Variants in USH2A observed in about 807,000 individuals in gnomAD.
The protein encoded by USH2A is usherin.
In USH2A, 443 loss-of-function variants were observed where a neutral mutation model predicts 538.9. The observed-to-expected ratio is 0.82, with a 90% CI of 0.76 to 0.89. The LOEUF is 0.89. Ranked by LOEUF, USH2A falls within the 40% of genes least tolerant of loss-of-function variation. The probability of loss-of-function intolerance (pLI) is 0.00; values close to 1 mark genes in which losing one functional copy is unlikely to be tolerated. For synonymous variants in USH2A, 2,413 were observed against 2,273.5 expected (o/e 1.06, Z -1.75); for missense variants, 6,633 against 6,324.8 (o/e 1.05, Z -1.65).
chr1:216,160,729 C>A (rs2034041392), intron 21 of USH2A, among the ~76,000 whole-genome samples: 1 of 152,102 alleles, frequency 6.6e-6, no homozygotes, highest in Non-Finnish European at 1.5e-5. Flanking sequence ...TATGACAACA[C>A]TTATAAAATG....
chr1:216,394,930 G>T (rs2039182580), intron 3 of USH2A, among the ~76,000 whole-genome samples: 1 of 151,920 alleles, frequency 6.6e-6, no homozygotes. Flanking sequence ...GTGTTAGCCA[G>T]GATGGTCTCG....
Position 216,324,157 on chromosome 1 carries a change from A to C in USH2A, c.1328+11T>G. 1 of 1,611,566 alleles carries C rather than the reference A, an allele frequency of 6.2e-7. No individual in the cohort carries two copies. Among genetic ancestry groups the C allele is most frequent in the Non-Finnish European group, 8.5e-7 (1 of 1,178,628 alleles). ...CAGTCTATTAAATTAATTGTTTAAA[A>C]ATATTCATACTTGGAAAGCTGAAGA... is the stretch of plus-strand genomic sequence containing the variant. On this transcript the variant is annotated intron_variant, in intron 7 of 71. Coordinates refer to ENST00000307340, the MANE Select transcript of USH2A (RefSeq NM_206933.4).
chr1:216,168,589 G>A (rs1023510206), intron 21 of USH2A, among the ~76,000 whole-genome samples: 14 of 152,012 alleles, frequency 9.2e-5, no homozygotes, highest in African/African-American at 3.4e-4. Flanking sequence ...CCCCCTTCTT[G>A]CCTGGGGACC....
chr1:216,244,951 T>G (rs2036007970), intron 13 of USH2A, among the ~76,000 whole-genome samples: 3 of 152,190 alleles, frequency 2.0e-5, no homozygotes, highest in Non-Finnish European at 4.4e-5. Flanking sequence ...TATTAGCTTG[T>G]TTTGGTTTAC....
At chr1:216,057,812 G>A (rs2031031386) in intron 30 of USH2A, among the ~76,000 whole-genome samples, 3 of 152,070 alleles carry the variant, frequency 2.0e-5, no homozygotes, top group South Asian at 2.1e-4. Context: ...TACTTCTGAC[G>A]ATTTCCTATT....
intron 37 of USH2A, among the ~76,000 whole-genome samples, chr1:215,950,414 A>G (rs545130318): frequency 6.6e-6 from 1 of 152,246 alleles, no homozygotes; most frequent in East Asian, 1.9e-4. Context: ...TAAGATCTCA[A>G]TACATTATAT....
intron 32 of USH2A, among the ~76,000 whole-genome samples, chr1:216,016,989 A>G (rs1049908714): frequency 6.6e-6 from 1 of 152,114 alleles, no homozygotes; most frequent in Non-Finnish European, 1.5e-5. Context: ...CGTCCATGAA[A>G]AACTCCTTAG....
chr1:216,422,232 A>G lies in USH2A; in HGVS notation c.105T>C (p.Gly35=). 1 of 1,612,848 alleles carries G rather than the reference A, an allele frequency of 6.2e-7. No individual in the cohort carries two copies. The highest frequency in any genetic ancestry group is 8.5e-7 in the Non-Finnish European group (1 of 1,179,270). The change falls in exon 2 of 72, where the codon GGT becomes GGC. Residue 35 remains glycine (G), a synonymous_variant. Coordinates refer to ENST00000307340, the MANE Select transcript of USH2A (RefSeq NM_206933.4). The part of the protein sequence containing the change: ...FASISLTESR[G]LFPRLENVGA... ...CCACGTTCTCCAGCCTTGGGAAAAG[A>G]CCTCGTGACTCAGTCAAGGATATTG...
At position 216,273,700 on chromosome 1, in the gene USH2A, G is replaced by T. The variant is rs373604682; in HGVS notation, c.1971+15580C>A. On this transcript the variant is annotated intron_variant, in intron 11 of 71. Transcript: ENST00000307340. ...CTATATCACTGAAATATTTTTAGGA[G>T]ATATTATCAAATATAGGAGTTATAG... 7.9e-5 allele frequency among the ~76,000 whole-genome samples: 12 copies of T among 151,032 alleles called. 1 individual carries two copies. Among genetic ancestry groups the T allele is most frequent in the Admixed American group, 3.3e-4 (5 of 15,080 alleles).
At chr1:216,169,326 C>T (rs1303275503) in intron 21 of USH2A, among the ~76,000 whole-genome samples, 1 of 151,954 alleles carries the variant, frequency 6.6e-6, no homozygotes, top group Non-Finnish European at 1.5e-5. Context: ...AGTTACCTAA[C>T]ATTAATATTT....
At position 216,013,700 on chromosome 1, in the gene USH2A, C is replaced by A. The variant is rs1414046182; in HGVS notation, c.6326-13138G>T. Among the ~76,000 whole-genome samples the A allele has an allele frequency of 1.2e-3, 185 of 150,130 alleles. 3 individuals are homozygous for A. The highest frequency in any genetic ancestry group is 0.012 in the Admixed American group (182 of 15,040). On this transcript the variant is annotated intron_variant, in intron 32 of 71. Coordinates refer to ENST00000307340, the MANE Select transcript of USH2A (RefSeq NM_206933.4). Reference sequence around the variant, plus strand: ...CTCTGGCCTCCAGAGAACAACCCCCCTTTGACTGTAATTTTCCTTTACCTA... The same window carrying A: ...CTCTGGCCTCCAGAGAACAACCCCCATTTGACTGTAATTTTCCTTTACCTA...
At chr1:216,390,577 A>G (rs2039089293) in intron 3 of USH2A, among the ~76,000 whole-genome samples, 1 of 152,214 alleles carries the variant, frequency 6.6e-6, no homozygotes, top group African/African-American at 2.4e-5. Context: ...AGAATATGTT[A>G]TTTAAATTAT....
intron 47 of USH2A, among the ~76,000 whole-genome samples, chr1:215,836,690 G>T: frequency 7.0e-6 from 1 of 142,694 alleles, no homozygotes; most frequent in Admixed American, 7.4e-5. Flanking sequence ...CCGAGTAGCT[G>T]GGACTACAGG....
intron 16 of USH2A, among the ~76,000 whole-genome samples, chr1:216,203,227 A>C (rs2035036681): frequency 6.6e-6 from 1 of 151,852 alleles, no homozygotes; most frequent in Non-Finnish European, 1.5e-5. Context: ...ACATACATAT[A>C]TGTATATATA....
chr1:216,199,614 C>G lies in USH2A; in HGVS notation c.3811+13G>C. The G allele has an allele frequency of 1.2e-6, 2 of 1,613,786 alleles. No homozygotes were observed. The highest frequency in any genetic ancestry group is 1.7e-6 in the Non-Finnish European group (2 of 1,179,988). On this transcript the variant is annotated intron_variant, in intron 17 of 71. Coordinates refer to ENST00000307340, the MANE Select transcript of USH2A (RefSeq NM_206933.4). The stretch of plus-strand genomic sequence containing the variant: ...CTTGACCAAAAAGGGGAATCTCAGC[C>G]TTGGATTCTTACCATTTAGTTCCGC...
Position 215,624,711 on chromosome 1 carries a change from C to A in USH2A, c.*1070G>T, listed in dbSNP as rs1330732825. ...TGCATATCATCTGTTCTTACTGATTCTGTGGCTAAAATAATGGCTAGTTCT... is the reference window on the plus strand; with the variant it reads ...TGCATATCATCTGTTCTTACTGATTATGTGGCTAAAATAATGGCTAGTTCT... On this transcript the variant is annotated 3_prime_UTR_variant, in exon 72 of 72. Coordinates refer to ENST00000307340, the MANE Select transcript of USH2A (RefSeq NM_206933.4). The A allele has an allele frequency of 6.6e-6, 1 of 152,076 alleles. No homozygotes were observed. Among genetic ancestry groups the A allele is most frequent in the East Asian group, 1.9e-4 (1 of 5,192 alleles). 9.4% of individuals were successfully genotyped at this position (152,076 alleles called of 1,614,324 possible).
chr1:216,100,922 C>A (rs1180276031), intron 21 of USH2A, among the ~76,000 whole-genome samples: 1 of 152,034 alleles, frequency 6.6e-6, no homozygotes, highest in East Asian at 1.9e-4. Context: ...GCTAGTGCAA[C>A]TAAAATATAA....
At chr1:216,121,702 A>G (rs976059539) in intron 21 of USH2A, among the ~76,000 whole-genome samples, 1 of 152,222 alleles carries the variant, frequency 6.6e-6, no homozygotes, top group Non-Finnish European at 1.5e-5. Flanking sequence ...AATGGAGAAA[A>G]ACTAATGATG....
chr1:215,969,164 A>G (rs542739765), intron 36 of USH2A, among the ~76,000 whole-genome samples: 5 of 152,192 alleles, frequency 3.3e-5, no homozygotes, highest in Admixed American at 6.6e-5. Context: ...CTTCAATCCC[A>G]GTGATTAGAG....
Sources: gnomAD v4.1 joint callset for allele counts (sites outside exome capture counted in the v4.1 genomes callset) on GRCh38, gnomAD v4.1.1 for gene constraint, MANE v1.5 for transcripts, NCBI Gene and HGNC (gene_info 2026-07-23, HGNC 2026-07-21) for gene names.